The following FGD5 variants were observed in gnomAD, a reference collection of about 807,000 sequenced individuals.
The protein encoded by FGD5 is FYVE, RhoGEF and PH domain-containing protein 5.
Under a neutral mutation model 133.4 loss-of-function variants are expected in FGD5, and 28 were observed. The observed-to-expected ratio is 0.21, with a 90% CI of 0.16 to 0.29. The LOEUF is 0.29. Ranked by LOEUF, FGD5 falls within the 10% of genes least tolerant of loss-of-function variation. FGD5 has a pLI of 1.00. For synonymous variants in FGD5, 810 were observed against 776.5 expected (o/e 1.04, Z -0.72); for missense variants, 1,858 against 1,895.2 (o/e 0.98, Z 0.36).
Position 14,910,831 on chromosome 3 carries a change from G to A in FGD5, c.3337-30G>A, listed in dbSNP as rs774433886. On this transcript the variant is annotated intron_variant, in intron 10 of 19. Coordinates refer to ENST00000285046, the MANE Select transcript of FGD5 (RefSeq NM_152536.4). ...TCTGGGATTCAGGGGGCATCAGCCTGACCGCCAAGTTCTGCTTCTCTCCCC... is the reference window on the plus strand; with the variant it reads ...TCTGGGATTCAGGGGGCATCAGCCTAACCGCCAAGTTCTGCTTCTCTCCCC... 7.5e-6 allele frequency: 12 copies of A among 1,606,574 alleles called. No homozygotes were observed. In the East Asian group the frequency reaches 2.2e-4, roughly 30 times the overall value.
At chr3:14,929,785 C>T (rs897269607) in intron 18 of FGD5, among the ~76,000 whole-genome samples, 2 of 152,178 alleles carry the variant, frequency 1.3e-5, no homozygotes, top group Non-Finnish European at 2.9e-5. Context: ...CAAATATTCT[C>T]TGCCTGTCTG....
At chr3:14,812,044 G>GTC (rs2036303958) in intron 1 of FGD5, among the ~76,000 whole-genome samples, 2 of 151,584 alleles carry the variant, frequency 1.3e-5, no homozygotes, top group Admixed American at 6.6e-5. Context: ...GTATGTGTGT[G>GTC]TGTGTGTAGG....
Position 14,917,827 on chromosome 3 carries a change from C to T in FGD5, c.3489+495C>T, listed in dbSNP as rs2038589860. Among the ~76,000 whole-genome samples the T allele has an allele frequency of 6.6e-6, 1 of 152,208 alleles. No homozygotes were observed. The highest frequency in any genetic ancestry group is 1.5e-5 in the Non-Finnish European group (1 of 68,038). On this transcript the variant is annotated intron_variant, in intron 12 of 19. Coordinates refer to ENST00000285046, the MANE Select transcript of FGD5 (RefSeq NM_152536.4). The surrounding 1 kb of genome is among the most constrained non-coding windows in gnomAD (Gnocchi z 4.1). ...TCTGCCCACATTAAAAACCAACTCT[C>T]CATTCCCCTCCTTCTCAGCCCCTGG...
chr3:14,906,279 A>G (rs2038340139), intron 9 of FGD5, among the ~76,000 whole-genome samples: 1 of 152,216 alleles, frequency 6.6e-6, no homozygotes, highest in African/African-American at 2.4e-5. Context: ...CTCTCACAGC[A>G]TTCCTGTCCC....
At chr3:14,923,345 G>C in intron 16 of FGD5, 170 bp downstream of exon 16, 3 of 913,316 alleles carry the variant, frequency 3.3e-6, no homozygotes, top group Non-Finnish European at 3.2e-6. Flanking sequence ...CCAATATGTG[G>C]ATTCTGTGGA....
At chr3:14,830,064 G>A (rs145168339) in intron 1 of FGD5, among the ~76,000 whole-genome samples, 3 of 152,280 alleles carry the variant, frequency 2.0e-5, no homozygotes, top group East Asian at 1.9e-4. Context: ...TGAGAGCCGC[G>A]TGGCTGGATT....
intron 4 of FGD5, among the ~76,000 whole-genome samples, chr3:14,896,278 A>C (rs2038136896): frequency 6.6e-6 from 1 of 152,168 alleles, no homozygotes; most frequent in Non-Finnish European, 1.5e-5. Context: ...CAAAAATAGA[A>C]AAAAAGTCCT....
intron 1 of FGD5, among the ~76,000 whole-genome samples, chr3:14,839,444 C>A (rs183935171): frequency 3.9e-5 from 6 of 152,270 alleles, no homozygotes; most frequent in Admixed American, 3.3e-4. Context: ...TTCCCCTCCC[C>A]CTTTGGAATG....
chr3:14,836,985 G>T (rs956590722), intron 1 of FGD5, among the ~76,000 whole-genome samples: 2 of 152,170 alleles, frequency 1.3e-5, no homozygotes, highest in Non-Finnish European at 2.9e-5. Flanking sequence ...ATGCACAGAA[G>T]CACCCGGGTA....
chr3:14,882,871 A>G (rs1164747672), intron 4 of FGD5, among the ~76,000 whole-genome samples: 1 of 151,708 alleles, frequency 6.6e-6, no homozygotes, highest in Non-Finnish European at 1.5e-5. Context: ...ACTTTGGGGC[A>G]CTCTCCACCA....
At chr3:14,844,808 G>A (rs911204645) in intron 1 of FGD5, among the ~76,000 whole-genome samples, 11 of 152,270 alleles carry the variant, frequency 7.2e-5, no homozygotes, top group Admixed American at 5.2e-4. Context: ...TGTTGTGCTC[G>A]AATCATAAGC....
rs572207701 is a variant in FGD5 at position 14,841,275 on chromosome 3, A to T, written c.2525+19679A>T. On this transcript the variant is annotated intron_variant, in intron 1 of 19. Transcript: ENST00000285046. Reference sequence around the variant, plus strand: ...TGCTGTCACCCAGGGGTGGTGAGGAATCATTGTGAAGATGATTAAGACAAG... The same window carrying T: ...TGCTGTCACCCAGGGGTGGTGAGGATTCATTGTGAAGATGATTAAGACAAG... Among the ~76,000 whole-genome samples, 5 of 152,338 alleles carry T rather than the reference A, an allele frequency of 3.3e-5. No homozygotes were observed. The East Asian group carries it at 9.6e-4, about 29-fold the overall frequency.
In FGD5 at chr3:14,864,401, G is replaced by C. The variant is rs746361634; in HGVS notation, c.2658+141G>C. On this transcript the variant is annotated intron_variant, in intron 2 of 19. Transcript: ENST00000285046. ...CAGCTGGATGCAGGGGCTGAGACAC[G>C]CAGCATCAGGGCGCTAGGAAGCATC... The C allele has an allele frequency of 5.3e-6, 7 of 1,329,790 alleles. No individual in the cohort carries two copies. The East Asian group carries it at 1.7e-4, about 32-fold the overall frequency. The allele number at this position is 1,329,790 out of a possible 1,614,324, so 82.4% of individuals were successfully genotyped here. A position where few individuals can be genotyped will look rare whatever the true frequency, so the allele number is the denominator to read the frequency against.
rs370602019 is a variant in FGD5 at position 14,845,157 on chromosome 3, C to G, written c.2526-18971C>G. Among the ~76,000 whole-genome samples the G allele has an allele frequency of 6.4e-4, 97 of 152,300 alleles. 2 individuals are homozygous for G. In the South Asian group the frequency reaches 0.019, roughly 30 times the overall value. ...ACCTGTACATGCTAAAAAAAAAGCC[C>G]TGATGCCTTCACTCCACTGCAGGTC... is the stretch of plus-strand genomic sequence containing the variant. On this transcript the variant is annotated intron_variant, in intron 1 of 19. Transcript: ENST00000285046.
rs372798998 is a variant in FGD5 at position 14,820,884 on chromosome 3, G to A, written c.1813G>A (p.Gly605Ser). The A allele has an allele frequency of 2.7e-5, 43 of 1,613,570 alleles. No individual in the cohort carries two copies. The highest frequency in any genetic ancestry group is 1.7e-4 in the Middle Eastern group (1 of 6,060). The change falls in exon 1 of 20, where the codon GGC becomes AGC. Residue 605 changes from glycine (G) to serine (S), a missense_variant. Around this residue, in one of 3 missense-constraint regions of FGD5, gnomAD observed 1,824 missense variants for 1,848.9 expected, o/e 0.99. Coordinates refer to ENST00000285046, the MANE Select transcript of FGD5 (RefSeq NM_152536.4). ...FSQRNHLPSS[G>S]TSTPSSMVDI... is the part of the protein sequence containing the mutation. Reference sequence around the variant, plus strand: ...CCAGAGAAACCACCTTCCGTCCAGCGGCACCTCCACGCCTTCTTCCATGGT... The same window carrying A: ...CCAGAGAAACCACCTTCCGTCCAGCAGCACCTCCACGCCTTCTTCCATGGT...
At chr3:14,825,973 C>T (rs1265004377) in intron 1 of FGD5, among the ~76,000 whole-genome samples, 1 of 152,192 alleles carries the variant, frequency 6.6e-6, no homozygotes, top group African/African-American at 2.4e-5. Context: ...GTGCTGGATG[C>T]TTTGTATACA....
chr3:14,859,457 C>T (rs1226261183), intron 1 of FGD5, among the ~76,000 whole-genome samples: 3 of 151,986 alleles, frequency 2.0e-5, no homozygotes, highest in East Asian at 1.9e-4. Flanking sequence ...ACTCGGGAGG[C>T]GGAGGCTCAA....
chr3:14,903,374 T>A (rs1305657637), intron 9 of FGD5, among the ~76,000 whole-genome samples: 6 of 152,090 alleles, frequency 3.9e-5, no homozygotes, highest in Non-Finnish European at 5.9e-5. Context: ...TTATTATTAT[T>A]ATACTTTTAG....
chr3:14,918,553 G>A (rs1317640738), intron 12 of FGD5, among the ~76,000 whole-genome samples: 1 of 152,246 alleles, frequency 6.6e-6, no homozygotes, highest in Non-Finnish European at 1.5e-5. Flanking sequence ...AGCCTTCCCA[G>A]CGGTGGGTGA....
Sources: allele counts gnomAD v4.1 joint callset (sites outside exome capture counted in the v4.1 genomes callset), GRCh38; gene constraint gnomAD v4.1.1; regional missense constraint gnomAD v4.1.1; non-coding constraint Gnocchi (gnomAD v3.1); transcripts MANE v1.5; gene names NCBI Gene and HGNC (gene_info 2026-07-23, HGNC 2026-07-21).